AKR7A3: variants seen among roughly 807,000 people sequenced by gnomAD.
AKR7A3 encodes aldo-keto reductase family 7 member A3.
In AKR7A3, 37 loss-of-function variants were observed where a neutral mutation model predicts 32.5. That is an observed-to-expected ratio of 1.14 (90% CI 0.88 to 1.50). The LOEUF is 1.50. Ranked by LOEUF, AKR7A3 falls within the 40% of genes most tolerant of loss-of-function variation. AKR7A3 has a pLI of 0.00. For missense variants in AKR7A3, 412 were observed against 453.2 expected, an observed-to-expected ratio of 0.91 and a Z score of 0.83; for synonymous variants, 177 against 188.4, an observed-to-expected ratio of 0.94 and a Z score of 0.50.
At chr1:19,285,569 A>G (rs1200267659) in intron 3 of AKR7A3, among the ~76,000 whole-genome samples, 2 of 151,640 alleles carry the variant, frequency 1.3e-5, no homozygotes, top group East Asian at 1.9e-4. Flanking sequence ...CTTCCAGAGG[A>G]AGAGACACGT....
chr1:19,279,512 T>C (rs1292519511), downstream of AKR7A3, among the ~76,000 whole-genome samples: 1 of 151,918 alleles, frequency 6.6e-6, no homozygotes, highest in Non-Finnish European at 1.5e-5. Context: ...CAAACTATTT[T>C]CCAAAGTGGT....
At chr1:19,279,587 G>A (rs1348648260), downstream of AKR7A3, among the ~76,000 whole-genome samples, 7 of 150,758 alleles carry the variant, frequency 4.6e-5, no homozygotes, top group South Asian at 4.2e-4. Context: ...CACTTCTATC[G>A]TCTGTCTGTC....
downstream of AKR7A3, among the ~76,000 whole-genome samples, chr1:19,280,350 T>G (rs1197099042): frequency 6.6e-6 from 1 of 151,410 alleles, no homozygotes; most frequent in African/African-American, 2.4e-5. Context: ...TTCAAGTGAT[T>G]CCGGTGCCTC....
downstream of AKR7A3, among the ~76,000 whole-genome samples, chr1:19,278,047 C>T (rs1242920297): frequency 2.0e-5 from 3 of 151,858 alleles, no homozygotes; most frequent in Admixed American, 1.3e-4. Context: ...CTGCCTAATC[C>T]AAAGTCATAC....
chr1:19,284,094 C>A lies in AKR7A3; in HGVS notation c.736G>T (p.Ala246Ser). Reference sequence around the variant, plus strand: ...GCCTGCAGGGCCTTCTCCACCAGGGCAATGCCCTCAAAGTGGTGCTCCTTC... The same window carrying A: ...GCCTGCAGGGCCTTCTCCACCAGGGAAATGCCCTCAAAGTGGTGCTCCTTC... Reference protein sequence around the residue: ...YWKEHHFEGIALVEKALQAAY... With the variant: ...YWKEHHFEGISLVEKALQAAY... The change falls in exon 6 of 7, where the codon GCC becomes TCC. Residue 246 changes from alanine (A) to serine (S), a missense_variant. Physicochemically the swap from Ala to Ser is moderately conservative, Grantham distance 99. Transcript: ENST00000361640. The A allele has an allele frequency of 1.2e-6, 2 of 1,613,460 alleles. No homozygotes were observed. Among genetic ancestry groups the A allele is most frequent in the Non-Finnish European group, 1.7e-6 (2 of 1,179,744 alleles).
In AKR7A3 at chr1:19,288,512, G is replaced by A; in HGVS notation, c.198C>T (p.Gly66=). Residue 66 remains glycine, a synonymous_variant, in exon 1 of 7, where the codon GGC becomes GGT. Transcript: ENST00000361640. The stretch of plus-strand genomic sequence containing the variant: ...CACTGTTACCTCTGCAGTCGCTGCC[G>A]CCCAGCCGGAGCCCCAGGCCGCCAA... The part of the protein sequence containing the change: ...TILGGLGLRL[G]GSDCRVKIDT... 6.2e-7 allele frequency: 1 copy of A among 1,610,752 alleles called. No homozygotes were observed. Among genetic ancestry groups the A allele is most frequent in the Non-Finnish European group, 8.5e-7 (1 of 1,179,424 alleles).
At chr1:19,284,632 T>C in intron 5 of AKR7A3, 54 bp downstream of exon 5, 1 of 1,577,252 alleles carries the variant, frequency 6.3e-7, no homozygotes, top group African/African-American at 1.4e-5. Flanking sequence ...AGGACTTCAT[T>C]CCACATAAAG....
At chr1:19,282,532 A>G, downstream of AKR7A3, 1 of 865,400 alleles carries the variant, frequency 1.2e-6, no homozygotes, top group South Asian at 1.8e-5. Context: ...AGTCTCAGGT[A>G]TTCTTTTATA....
At chr1:19,276,319 C>T in the AKR7A3 span, among the ~76,000 whole-genome samples, 121 of 147,424 alleles carry the variant, frequency 8.2e-4, 1 homozygote, top group African/African-American at 3.1e-3. Flanking sequence ...CGAGATTGCG[C>T]CACTGCAGTC....
downstream of AKR7A3, among the ~76,000 whole-genome samples, chr1:19,277,698 T>C (rs2093713204): frequency 1.3e-5 from 2 of 151,900 alleles, no homozygotes. Flanking sequence ...TATTTGTATT[T>C]TTAGTAGAGA....
chr1:19,288,408 C>T, intron 1 of AKR7A3, 88 bp downstream of exon 1: 1 of 1,480,090 alleles, frequency 6.8e-7, no homozygotes, highest in Non-Finnish European at 9.0e-7. Context: ...TGGGTGCTGC[C>T]CCGGGGCCAG....
chr1:19,281,239 A>G (rs2093718420), downstream of AKR7A3, among the ~76,000 whole-genome samples: 1 of 151,842 alleles, frequency 6.6e-6, no homozygotes, highest in East Asian at 1.9e-4. Flanking sequence ...GAAATCAGAA[A>G]GTGGGAGTCC....
downstream of AKR7A3, among the ~76,000 whole-genome samples, chr1:19,279,125 A>C (rs566472291): frequency 2.6e-5 from 4 of 151,738 alleles, no homozygotes; most frequent in African/African-American, 7.3e-5. Context: ...AACCCAGCTA[A>C]TTTTCTTTTT....
chr1:19,285,154 C>G (rs368345884), intron 3 of AKR7A3, 40 bp from the exon 4 acceptor site: 2 of 1,593,256 alleles, frequency 1.3e-6, no homozygotes, highest in Non-Finnish European at 1.7e-6. Flanking sequence ...GTGGATGTGT[C>G]AAAAGAAGAG....
chr1:19,284,038 G>C lies in AKR7A3; in HGVS notation c.792C>G (p.Thr264=), dbSNP rs777815379. ...GGTACATCCACCGGAGGGTGGCCGA[G>C]GTCATGCTGGGGGCGCTGGCGCCAT... ...AAYGASAPSM[T]SATLRWMYHH... is the part of the protein sequence containing the mutation. Residue 264 remains threonine, a synonymous_variant, in exon 6 of 7, where the codon ACC becomes ACG. Transcript: ENST00000361640. 5.0e-6 allele frequency: 8 copies of C among 1,613,580 alleles called. No homozygotes were observed. Among genetic ancestry groups the C allele is most frequent in the African/African-American group, 4.0e-5 (3 of 74,778 alleles).
At chr1:19,276,662 C>T in the AKR7A3 span, among the ~76,000 whole-genome samples, 1 of 151,424 alleles carries the variant, frequency 6.6e-6, no homozygotes, top group Admixed American at 6.6e-5. Flanking sequence ...ATTAGACAGG[C>T]ATGTTGGCAT....
rs371333518 is a variant in AKR7A3 at position 19,284,052 on chromosome 1, C to T, written c.778G>A (p.Ala260Thr). 7.7e-5 allele frequency: 124 copies of T among 1,613,658 alleles called. No homozygotes were observed. Among genetic ancestry groups the T allele is most frequent in the African/African-American group, 1.3e-4 (10 of 74,858 alleles). ...AGGGTGGCCGAGGTCATGCTGGGGG[C>T]GCTGGCGCCATACGCGGCCTGCAGG... is the stretch of plus-strand genomic sequence containing the variant. ...KALQAAYGASAPSMTSATLRW... is the reference protein window; with the variant it reads ...KALQAAYGASTPSMTSATLRW... Residue 260 changes from alanine (A) to threonine (T), a missense_variant, in exon 6 of 7, where the codon GCC becomes ACC. By Grantham distance (58) the Ala-to-Thr change is moderately conservative. Coordinates refer to ENST00000361640, the MANE Select transcript of AKR7A3 (RefSeq NM_012067.3).
At chr1:19,281,801 T>C (rs945460689), downstream of AKR7A3, among the ~76,000 whole-genome samples, 1 of 151,944 alleles carries the variant, frequency 6.6e-6, no homozygotes, top group African/African-American at 2.4e-5. Context: ...ATGTGGGATA[T>C]GGAGTCAAAG....
At position 19,282,839 on chromosome 1, in the gene AKR7A3, C is replaced by G. The variant is rs528051281; in HGVS notation, c.888G>C (p.Glu296Asp). The G allele has an allele frequency of 4.3e-6, 7 of 1,613,202 alleles. No homozygotes were observed. In the South Asian group the frequency reaches 6.6e-5, roughly 15 times the overall value. The change falls in exon 7 of 7, where the codon GAG becomes GAC. Residue 296 changes from glutamate to aspartate, a missense_variant. Glu to Asp is a conservative substitution (Grantham distance 45). Coordinates refer to ENST00000361640, the MANE Select transcript of AKR7A3 (RefSeq NM_012067.3). ...CTTCCTCTGCCGCTGCCAAGTTCTG[C>G]TCCAGCTGCTCCAGGCTGGACATGC... is the stretch of plus-strand genomic sequence containing the variant. ...ILGMSSLEQL[E>D]QNLAAAEEGP...
Sources: gnomAD v4.1 joint callset for allele counts (sites outside exome capture counted in the v4.1 genomes callset) on GRCh38, gnomAD v4.1.1 for gene constraint, MANE v1.5 for transcripts, NCBI Gene and HGNC (gene_info 2026-07-23, HGNC 2026-07-21) for gene names.